Variants in LINS1 observed in about 807,000 individuals in gnomAD.
The protein encoded by LINS1 is protein Lines homolog 1.
Under a neutral mutation model 41.6 loss-of-function variants are expected in LINS1, and 27 were observed. That is an observed-to-expected ratio of 0.65 (90% CI 0.48 to 0.89). The LOEUF (loss-of-function observed/expected upper bound fraction) is 0.89. Among genes scored for constraint, LINS1 ranks in the 40% least tolerant of loss-of-function variants. The pLI is 0.00. For synonymous variants in LINS1, 336 were observed against 312.9 expected (o/e 1.07, Z -0.78); for missense variants, 955 against 884.1 (o/e 1.08, Z -1.02).
At chr15:100,570,956 T>A (rs570081225) in intron 6 of LINS1, among the ~76,000 whole-genome samples, 5 of 152,112 alleles carry the variant, frequency 3.3e-5, no homozygotes, top group African/African-American at 4.8e-5. Flanking sequence ...CATTCAGGGG[T>A]TTCCACTTCC....
chr15:100,580,293 T>C lies in LINS1; in HGVS notation c.459A>G (p.Ala153=). The C allele has an allele frequency of 1.2e-6, 2 of 1,611,948 alleles. No individual in the cohort carries two copies. Among genetic ancestry groups the C allele is most frequent in the Non-Finnish European group, 1.7e-6 (2 of 1,178,330 alleles). ...CTCTCAATTGGAAATATAGAAGCAATGCAAGGCACTGTGCAGCCATGTGAG... is the reference window on the plus strand; with the variant it reads ...CTCTCAATTGGAAATATAGAAGCAACGCAAGGCACTGTGCAGCCATGTGAG... The part of the protein sequence containing the change: ...LLSHMAAQCL[A]LLLYFQLREK... The change falls in exon 3 of 7, where the codon GCA becomes GCG. Residue 153 remains alanine, a synonymous_variant. Transcript: ENST00000314742.
At chr15:100,572,815 C>A (rs1019060511) in intron 5 of LINS1, 10 of 925,766 alleles carry the variant, frequency 1.1e-5, no homozygotes, top group Middle Eastern at 5.5e-4. Flanking sequence ...GTAACAATTT[C>A]TTTGTCAATA....
chr15:100,598,032 T>A (rs746617108), intron 1 of LINS1, among the ~76,000 whole-genome samples: 1 of 152,232 alleles, frequency 6.6e-6, no homozygotes. Context: ...ATACAATGCT[T>A]CTCCTTCCAC....
chr15:100,580,692 T>C lies in LINS1; in HGVS notation c.151A>G (p.Asn51Asp). 26 of 1,613,808 alleles carry C rather than the reference T, an allele frequency of 1.6e-5. No homozygotes were observed. The highest frequency in any genetic ancestry group is 2.2e-5 in the Non-Finnish European group (26 of 1,179,856). Residue 51 changes from asparagine to aspartate, a missense_variant, in exon 2 of 7, where the codon AAC (asparagine) becomes GAC (aspartate). Asn to Asp is a conservative substitution (Grantham distance 23). Coordinates refer to ENST00000314742, the MANE Select transcript of LINS1 (RefSeq NM_001040616.3). ...CSTATSLEWA[N>D]TCGIQGRHQP... is the part of the protein sequence containing the mutation. ...TGCCTGCCCTGGATACCACAGGTGT[T>C]TGCCCATTCTAAGGAGGTGGCTGTA...
intron 5 of LINS1, 197 bp downstream of exon 5, chr15:100,573,454 G>T: frequency 1.1e-6 from 1 of 928,672 alleles, no homozygotes; most frequent in Non-Finnish European, 1.5e-6. Context: ...ATTCATTGTA[G>T]GCACAAAAAG....
chr15:100,585,461 C>T (rs896442013), intron 1 of LINS1, among the ~76,000 whole-genome samples: 4 of 152,178 alleles, frequency 2.6e-5, no homozygotes, highest in African/African-American at 7.2e-5. Context: ...GTGATGCTCT[C>T]GTTTGGAACT....
chr15:100,580,484 A>G lies in LINS1; in HGVS notation c.359T>C (p.Ile120Thr). The change falls in exon 2 of 7, where the codon ATT (isoleucine) becomes ACT (threonine). Residue 120 changes from isoleucine to threonine, a missense_variant. Ile to Thr is a moderately conservative substitution (Grantham distance 89). Coordinates refer to ENST00000314742, the MANE Select transcript of LINS1 (RefSeq NM_001040616.3). ...FHAKEQYRDV[I>T]KILLESAKVD... Reference sequence around the variant, plus strand: ...TTTGGCTGATTCTAAGAGAATTTTAATTACATCTCTGTACTGCTCCTTTGC... The same window carrying G: ...TTTGGCTGATTCTAAGAGAATTTTAGTTACATCTCTGTACTGCTCCTTTGC... 1 of 1,614,030 alleles carries G rather than the reference A, an allele frequency of 6.2e-7. No homozygotes were observed. The highest frequency in any genetic ancestry group is 8.5e-7 in the Non-Finnish European group (1 of 1,179,922).
intron 1 of LINS1, among the ~76,000 whole-genome samples, chr15:100,600,550 G>GAAAAAAAAAAAAAAAAAAA (rs1567106000): frequency 3.2e-4 from 1 of 3,156 alleles, no homozygotes; most frequent in African/African-American, 1.5e-3. Flanking sequence ...CTGCTGTTAA[G>GAAAAAAAAAAAAAAAAAAA]CAAAAAAAAA....
chr15:100,576,963 C>T (rs548216953), intron 3 of LINS1, among the ~76,000 whole-genome samples: 22 of 152,094 alleles, frequency 1.4e-4, no homozygotes, highest in Non-Finnish European at 2.6e-4. Flanking sequence ...AGGCCTTTGA[C>T]AAAATTCAAC....
At chr15:100,579,258 G>C (rs1387549133) in intron 3 of LINS1, among the ~76,000 whole-genome samples, 1 of 150,938 alleles carries the variant, frequency 6.6e-6, no homozygotes, top group Non-Finnish European at 1.5e-5. Context: ...TTGGTAAAAA[G>C]ATACTTTACA....
At chr15:100,593,061 C>T (rs577832306) in intron 1 of LINS1, among the ~76,000 whole-genome samples, 1 of 152,348 alleles carries the variant, frequency 6.6e-6, no homozygotes, top group African/African-American at 2.4e-5. Flanking sequence ...GTTTGCACAT[C>T]TCATTCTGCA....
At chr15:100,579,067 C>T (rs910296302) in intron 3 of LINS1, among the ~76,000 whole-genome samples, 1 of 151,870 alleles carries the variant, frequency 6.6e-6, no homozygotes, top group African/African-American at 2.4e-5. Context: ...GGAGATACAC[C>T]TAATGTAAAT....
At chr15:100,586,705 T>C (rs1385874761) in intron 1 of LINS1, among the ~76,000 whole-genome samples, 1 of 152,200 alleles carries the variant, frequency 6.6e-6, no homozygotes, top group Non-Finnish European at 1.5e-5. Context: ...GAAAAGGTTA[T>C]TTATGAAATA....
At chr15:100,586,022 T>A (rs61556087) in intron 1 of LINS1, among the ~76,000 whole-genome samples, 17,620 of 152,172 alleles carry the variant, frequency 0.12, 1,201 homozygotes, top group East Asian at 0.27. Flanking sequence ...ATCAGAGAAA[T>A]CTGTGAAAGG....
chr15:100,593,201 G>A (rs1018230339), intron 1 of LINS1, among the ~76,000 whole-genome samples: 4 of 152,102 alleles, frequency 2.6e-5, no homozygotes, highest in Admixed American at 2.0e-4. Context: ...TATGATAAAT[G>A]AACGATTTCT....
Position 100,580,298 on chromosome 15 carries a change from G to A in LINS1, c.454C>T (p.Leu152Phe). Residue 152 changes from leucine (L) to phenylalanine (F), a missense_variant, in exon 3 of 7, where the codon CTT becomes TTT. Transcript: ENST00000314742. ...AATTGGAAATATAGAAGCAATGCAAGGCACTGTGCAGCCATGTGAGATAAC... is the reference window on the plus strand; with the variant it reads ...AATTGGAAATATAGAAGCAATGCAAAGCACTGTGCAGCCATGTGAGATAAC... ...KLLSHMAAQC[L>F]ALLLYFQLRE... 3 of 1,612,394 alleles carry A rather than the reference G, an allele frequency of 1.9e-6. No homozygotes were observed. Among genetic ancestry groups the A allele is most frequent in the Non-Finnish European group, 2.5e-6 (3 of 1,178,798 alleles).
intron 1 of LINS1, among the ~76,000 whole-genome samples, chr15:100,584,411 C>A (rs1390968223): frequency 1.3e-5 from 2 of 152,086 alleles, no homozygotes; most frequent in Non-Finnish European, 2.9e-5. Flanking sequence ...AGCACACCAA[C>A]CAAAGTGAAT....
At chr15:100,577,204 G>C (rs1401932699) in intron 3 of LINS1, among the ~76,000 whole-genome samples, 4 of 152,126 alleles carry the variant, frequency 2.6e-5, no homozygotes, top group Admixed American at 2.0e-4. Context: ...AAGAAACAAA[G>C]GGTATTCAAC....
chr15:100,572,557 A>G (rs1251011818), intron 5 of LINS1: 4 of 997,872 alleles, frequency 4.0e-6, no homozygotes, highest in South Asian at 4.0e-5. Context: ...AGTTTGAACT[A>G]CAATTTAAAA....
Sources: allele counts gnomAD v4.1 joint callset (sites outside exome capture counted in the v4.1 genomes callset), GRCh38; gene constraint gnomAD v4.1.1; transcripts MANE v1.5; gene names NCBI Gene and HGNC (gene_info 2026-07-23, HGNC 2026-07-21).